The following ST7L variants were observed in gnomAD, a reference collection of about 807,000 sequenced individuals.
ST7L encodes suppressor of tumorigenicity 7 protein-like.
Under a neutral mutation model 72.5 loss-of-function variants are expected in ST7L, and 57 were observed. That is an observed-to-expected ratio of 0.79 (90% CI 0.64 to 0.98). The LOEUF (loss-of-function observed/expected upper bound fraction) is 0.98, where lower values mean the gene tolerates loss of function less well. Ranked by LOEUF, ST7L falls within the 50% of genes least tolerant of loss-of-function variation. ST7L has a pLI of 0.00. For synonymous variants in ST7L, 221 were observed against 240.9 expected (o/e 0.92, Z 0.77); for missense variants, 576 against 672.2 (o/e 0.86, Z 1.58).
intron 2 of ST7L, among the ~76,000 whole-genome samples, chr1:112,615,102 T>C (rs991257493): frequency 1.3e-5 from 2 of 152,076 alleles, no homozygotes; most frequent in African/African-American, 4.8e-5. Context: ...AGGGTTCAAG[T>C]GATCCTCCCA....
intron 11 of ST7L, among the ~76,000 whole-genome samples, chr1:112,576,266 T>C (rs1279403233): frequency 1.3e-5 from 2 of 152,120 alleles, no homozygotes; most frequent in Non-Finnish European, 2.9e-5. Flanking sequence ...ATTTTTATAT[T>C]TTTTGCAGAG....
intron 6 of ST7L, among the ~76,000 whole-genome samples, chr1:112,587,834 T>G (rs577039340): frequency 6.6e-6 from 1 of 152,214 alleles, no homozygotes; most frequent in African/African-American, 2.4e-5. Flanking sequence ...AGGATCGCCT[T>G]GTCCATTTCT....
intron 11 of ST7L, among the ~76,000 whole-genome samples, chr1:112,564,996 T>A (rs1215549505): frequency 6.6e-6 from 1 of 151,658 alleles, no homozygotes; most frequent in Non-Finnish European, 1.5e-5. Flanking sequence ...CTTGGCAGCA[T>A]AACACTAAAA....
chr1:112,579,250 G>A (rs1389434252), intron 9 of ST7L, among the ~76,000 whole-genome samples: 1 of 151,912 alleles, frequency 6.6e-6, no homozygotes, highest in Non-Finnish European at 1.5e-5. Context: ...CGGGTGTGAT[G>A]GCAGGTGCCT....
At position 112,619,049 on chromosome 1, in the gene ST7L, C is replaced by T; in HGVS notation, c.65G>A (p.Gly22Asp). The change falls in exon 1 of 15, where the codon GGC (glycine) becomes GAC (aspartate). Residue 22 changes from glycine (G) to aspartate (D), a missense_variant. By Grantham distance (94) the Gly-to-Asp change is moderately conservative. Transcript: ENST00000358039. ...CCTCCAGCCTAGCGTCGGGTTTAGG[C>T]CAGGGACAGATGCAGGAGACGCTCC... The part of the protein sequence containing the change: ...AVGASPASVP[G>D]LNPTLGWRER... The T allele has an allele frequency of 6.2e-7, 1 of 1,613,958 alleles. No homozygotes were observed. The highest frequency in any genetic ancestry group is 8.5e-7 in the Non-Finnish European group (1 of 1,179,994).
downstream of ST7L, chr1:112,522,920 T>A (rs140121447): frequency 1.3e-5 from 2 of 152,080 alleles, no homozygotes; most frequent in Non-Finnish European, 2.9e-5. Context: ...ACAGCTGACA[T>A]CTTGAGGAAA....
At chr1:112,536,829 C>T (rs982524834) in intron 14 of ST7L, among the ~76,000 whole-genome samples, 1 of 152,130 alleles carries the variant, frequency 6.6e-6, no homozygotes, top group African/African-American at 2.4e-5. Flanking sequence ...AAAGCCCATT[C>T]CCACCGCAGC....
At position 112,600,705 on chromosome 1, in the gene ST7L, C is replaced by T. The variant is rs1037574522; in HGVS notation, c.506+89G>A. 1.2e-5 allele frequency: 13 copies of T among 1,107,176 alleles called. No individual in the cohort carries two copies. In the Admixed American group the frequency reaches 1.8e-4, roughly 15 times the overall value. The allele number at this position is 1,107,176 out of a possible 1,614,324, so 68.6% of individuals were successfully genotyped here. A position where few individuals can be genotyped will look rare whatever the true frequency, so the allele number is the denominator to read the frequency against. On this transcript the variant is annotated intron_variant, in intron 4 of 14. Coordinates refer to ENST00000358039, the MANE Select transcript of ST7L (RefSeq NM_017744.5). ...AGACCAGTATCTTCTACTAGAAGAG[C>T]TGCGATATATTTATAAAGACAAATG... is the stretch of plus-strand genomic sequence containing the variant.
At chr1:112,533,061 G>T (rs563499661) in intron 14 of ST7L, among the ~76,000 whole-genome samples, 6 of 152,106 alleles carry the variant, frequency 3.9e-5, no homozygotes, top group Non-Finnish European at 8.8e-5. Context: ...GAAACATAAG[G>T]TATACATTTA....
intron 14 of ST7L, among the ~76,000 whole-genome samples, chr1:112,539,001 C>T (rs1655654998): frequency 6.6e-6 from 1 of 152,204 alleles, no homozygotes; most frequent in African/African-American, 2.4e-5. Flanking sequence ...GAATTCAAAG[C>T]AAAGCAGCCT....
chr1:112,526,246 C>A, intron 14 of ST7L, 135 bp from the exon 15 acceptor site: 1 of 1,175,976 alleles, frequency 8.5e-7, no homozygotes, highest in African/African-American at 1.5e-5. Flanking sequence ...GGCTCTTTTG[C>A]CATTTCTGCC....
intron 11 of ST7L, among the ~76,000 whole-genome samples, chr1:112,560,200 T>C (rs1315074698): frequency 6.6e-6 from 1 of 151,016 alleles, no homozygotes; most frequent in Non-Finnish European, 1.5e-5. Flanking sequence ...CCAGACCATC[T>C]TGGCTAACAC....
At chr1:112,619,164 C>G, upstream of ST7L, 3 of 1,572,858 alleles carry the variant, frequency 1.9e-6, no homozygotes, top group Non-Finnish European at 2.6e-6. Context: ...GGACAGGAAA[C>G]CGGGAGTCGG....
At chr1:112,561,836 G>A (rs1660205491) in intron 11 of ST7L, among the ~76,000 whole-genome samples, 1 of 151,858 alleles carries the variant, frequency 6.6e-6, no homozygotes, top group Admixed American at 6.6e-5. Flanking sequence ...TCATAATATA[G>A]TAAATACAGT....
At chr1:112,549,372 G>T (rs2101530444) in intron 13 of ST7L, among the ~76,000 whole-genome samples, 1 of 152,258 alleles carries the variant, frequency 6.6e-6, no homozygotes, top group Admixed American at 6.5e-5. Flanking sequence ...CAGCCTGGGT[G>T]AGAGTGAGAA....
chr1:112,599,072 AAATATATATATATATATATATAT>A (rs1558040465), intron 4 of ST7L, among the ~76,000 whole-genome samples: 3 of 57,294 alleles, frequency 5.2e-5, no homozygotes, highest in Admixed American at 2.5e-4. Context: ...AAAAAAAAAA[AAATATATATATATATATATATAT>A]ATATATATAT....
chr1:112,604,258 G>C (rs564018873), intron 3 of ST7L, among the ~76,000 whole-genome samples: 1 of 152,060 alleles, frequency 6.6e-6, no homozygotes, highest in Non-Finnish European at 1.5e-5. Flanking sequence ...GCAGTGAGCC[G>C]AAATGGTGCC....
chr1:112,588,874 T>C (rs914900774), intron 6 of ST7L, among the ~76,000 whole-genome samples: 15 of 152,312 alleles, frequency 9.8e-5, no homozygotes, highest in African/African-American at 3.1e-4. Flanking sequence ...AATGCATACA[T>C]TGATATGCGT....
At chr1:112,549,812 C>T (rs962948262) in intron 13 of ST7L, among the ~76,000 whole-genome samples, 2 of 152,110 alleles carry the variant, frequency 1.3e-5, no homozygotes, top group Non-Finnish European at 2.9e-5. Context: ...CCAGCTAGAA[C>T]CTCTAGTACA....
Sources: allele counts gnomAD v4.1 joint callset (sites outside exome capture counted in the v4.1 genomes callset), GRCh38; gene constraint gnomAD v4.1.1; transcripts MANE v1.5; gene names NCBI Gene and HGNC (gene_info 2026-07-23, HGNC 2026-07-21).